ADGRG1: variants seen among roughly 807,000 people sequenced by gnomAD.
ADGRG1 encodes the protein adhesion G protein-coupled receptor G1.
A neutral mutation model predicts 73.5 loss-of-function variants in ADGRG1; 53 were observed. That is an observed-to-expected ratio of 0.72 (90% CI 0.58 to 0.91). The LOEUF is 0.91. Among genes scored for constraint, ADGRG1 ranks in the 40% least tolerant of loss-of-function variants. ADGRG1 has a pLI of 0.00. For missense variants in ADGRG1, 795 were observed against 871.8 expected, an observed-to-expected ratio of 0.91 and a Z score of 1.11; for synonymous variants, 394 against 374.4, an observed-to-expected ratio of 1.05 and a Z score of -0.60.
chr16:57,656,555 G>A lies in ADGRG1; in HGVS notation c.1105G>A (p.Val369Ile), dbSNP rs541949258. ...GHWSSAGCETVRRETQTSCFC... is the reference protein window; with the variant it reads ...GHWSSAGCETIRRETQTSCFC... ...TTGGAGCAGTGCTGGGTGTGAGACC[G>A]TCAGGAGAGAAACCCAAACATCCTG... is the stretch of plus-strand genomic sequence containing the variant. Residue 369 changes from valine to isoleucine, a missense_variant, in exon 9 of 14, where the codon GTC (valine) becomes ATC (isoleucine). Coordinates refer to ENST00000562631, the MANE Select transcript of ADGRG1 (RefSeq NM_201525.4). 1.7e-5 allele frequency: 27 copies of A among 1,613,904 alleles called. No homozygotes were observed. The highest frequency in any genetic ancestry group is 1.6e-4 in the Middle Eastern group (1 of 6,062).
intron 1 of ADGRG1, chr16:57,647,367 GA>G: frequency 1.8e-5 from 18 of 983,308 alleles, no homozygotes; most frequent in Non-Finnish European, 2.2e-5. Flanking sequence ...CGTACGGGAA[GA>G]GGGGGAAACA....
chr16:57,659,650 C>T lies in ADGRG1; in HGVS notation c.1524C>T (p.Gly508=). The T allele has an allele frequency of 1.9e-6, 3 of 1,614,004 alleles. No individual in the cohort carries two copies. The highest frequency in any genetic ancestry group is 2.5e-6 in the Non-Finnish European group (3 of 1,180,008). The change falls in exon 11 of 14, where the codon GGC becomes GGT. Residue 508 remains glycine, a synonymous_variant. Transcript: ENST00000562631. The stretch of plus-strand genomic sequence containing the variant: ...AGGTCTTTGGCACCTATGTCCCTGG[C>T]TACCTACTCAAGCTGAGCGCCATGG... ...VVEVFGTYVP[G]YLLKLSAMGW... is the part of the protein sequence containing the mutation.
At position 57,659,627 on chromosome 16, in the gene ADGRG1, G is replaced by A. The variant is rs571805592; in HGVS notation, c.1501G>A (p.Val501Ile). 1 of 1,614,096 alleles carries A rather than the reference G, an allele frequency of 6.2e-7. No homozygotes were observed. The highest frequency in any genetic ancestry group is 1.1e-5 in the South Asian group (1 of 91,080). The change falls in exon 11 of 14, where the codon GTC becomes ATC. Residue 501 changes from valine (V) to isoleucine (I), a missense_variant. By Grantham distance (29) the Val-to-Ile change is conservative. Transcript: ENST00000562631. ...CAACCTCTACCGACTCGTGGTGGAG[G>A]TCTTTGGCACCTATGTCCCTGGCTA... ...GYNLYRLVVEVFGTYVPGYLL... is the reference protein window; with the variant it reads ...GYNLYRLVVEIFGTYVPGYLL...
chr16:57,626,437 A>G (rs2035834703), upstream of ADGRG1, among the ~76,000 whole-genome samples: 3 of 152,228 alleles, frequency 2.0e-5, no homozygotes, highest in Admixed American at 2.0e-4. Context: ...AGGTATCGCT[A>G]CTATGAGAAC....
At chr16:57,648,487 C>A in intron 1 of ADGRG1, 2 of 973,920 alleles carry the variant, frequency 2.1e-6, no homozygotes, top group South Asian at 4.7e-5. Context: ...GGTTCCATTC[C>A]ACATGGTGGG....
At chr16:57,630,297 G>GCA (rs2037421600) in intron 1 of ADGRG1, 16 of 892,448 alleles carry the variant, frequency 1.8e-5, no homozygotes, top group Non-Finnish European at 2.1e-5. Context: ...CCAGAGCCCA[G>GCA]GCAGGGGTCC....
Position 57,651,476 on chromosome 16 carries a change from A to G in ADGRG1, c.341A>G (p.Asp114Gly), listed in dbSNP as rs749940723. 43 of 1,614,220 alleles carry G rather than the reference A, an allele frequency of 2.7e-5. No individual in the cohort carries two copies. The highest frequency in any genetic ancestry group is 3.2e-5 in the Non-Finnish European group (38 of 1,180,026). The change falls in exon 3 of 14, where the codon GAC (aspartate) becomes GGC (glycine). Residue 114 changes from aspartate to glycine, a missense_variant. Coordinates refer to ENST00000562631, the MANE Select transcript of ADGRG1 (RefSeq NM_201525.4). ...LYGKRDFLLS[D>G]KASSLLCFQH... The stretch of plus-strand genomic sequence containing the variant: ...GGCAAGCGTGACTTCTTGCTGAGTG[A>G]CAAAGCCTCTAGCCTCCTCTGCTTC...
At chr16:57,644,507 C>T (rs1314081001) in intron 1 of ADGRG1, among the ~76,000 whole-genome samples, 2 of 149,710 alleles carry the variant, frequency 1.3e-5, no homozygotes, top group African/African-American at 2.5e-5. Flanking sequence ...CACACTCATG[C>T]ATGGGCACAC....
chr16:57,647,181 A>G, intron 1 of ADGRG1: 1 of 985,304 alleles, frequency 1.0e-6, no homozygotes, highest in Non-Finnish European at 1.2e-6. Context: ...CCCCTGCCCA[A>G]TCTGTGTGGC....
chr16:57,644,410 GCA>G (rs1389102983), intron 1 of ADGRG1, among the ~76,000 whole-genome samples: 30 of 146,738 alleles, frequency 2.0e-4, no homozygotes, highest in Admixed American at 5.5e-4. Flanking sequence ...TAATGCATGG[GCA>G]CACACACTCG....
intron 1 of ADGRG1, chr16:57,635,199 C>T (rs1422142452): frequency 1.0e-6 from 1 of 985,322 alleles, no homozygotes; most frequent in Admixed American, 6.1e-5. Context: ...CTTCCCCTGC[C>T]CCCCACCTGC....
At chr16:57,636,920 G>T (rs1302573091) in intron 1 of ADGRG1, among the ~76,000 whole-genome samples, 1 of 152,202 alleles carries the variant, frequency 6.6e-6, no homozygotes, top group African/African-American at 2.4e-5. Context: ...GGATACGGAA[G>T]ATAATTTTAA....
In ADGRG1 at chr16:57,652,642, G is replaced by A. The variant is rs1284235556; in HGVS notation, c.488-561G>A. On this transcript the variant is annotated intron_variant, in intron 3 of 13. Coordinates refer to ENST00000562631, the MANE Select transcript of ADGRG1 (RefSeq NM_201525.4). ...AATCACCTAAAACCCAGGCTTTCTC[G>A]GTTATGCATTCAAAAGATGGAGCTA... is the stretch of plus-strand genomic sequence containing the variant. 34 of 985,096 alleles carry A rather than the reference G, an allele frequency of 3.5e-5. No homozygotes were observed. The Admixed American group carries it at 1.2e-3, about 36-fold the overall frequency. The allele number at this position is 985,096 out of a possible 1,614,324, so 61.0% of individuals were successfully genotyped here.
upstream of ADGRG1, among the ~76,000 whole-genome samples, chr16:57,627,487 A>G (rs1244661368): frequency 1.3e-5 from 2 of 152,224 alleles, no homozygotes; most frequent in Non-Finnish European, 2.9e-5. Flanking sequence ...AGCTACATGT[A>G]TCTGCCTTAA....
At chr16:57,627,795 A>T, upstream of ADGRG1, 1 of 985,452 alleles carries the variant, frequency 1.0e-6, no homozygotes, top group Non-Finnish European at 1.2e-6. Flanking sequence ...TCCTGACTCG[A>T]GAAGGGCACT....
rs1305863189 is a variant in ADGRG1 at position 57,628,682 on chromosome 16, C to T, written c.-156C>T. 39 of 985,440 alleles carry T rather than the reference C, an allele frequency of 4.0e-5. No individual in the cohort carries two copies. In the Admixed American group the frequency reaches 1.9e-3, roughly 48 times the overall value. 61.0% of individuals were successfully genotyped at this position (985,440 alleles called of 1,614,324 possible). On this transcript the variant is annotated 5_prime_UTR_variant, in exon 1 of 14. The change creates a new upstream start codon in the 5' untranslated region. Coordinates refer to ENST00000562631, the MANE Select transcript of ADGRG1 (RefSeq NM_201525.4). ...TAGGAGATGGGCTGGGAGCCTCCCA[C>T]GCTCTCCAGCTCACTCGGCAGGCAG... is the stretch of plus-strand genomic sequence containing the variant.
At chr16:57,634,971 A>G (rs1458012950) in intron 1 of ADGRG1, 2 of 985,256 alleles carry the variant, frequency 2.0e-6, no homozygotes, top group African/African-American at 3.5e-5. Flanking sequence ...CCATGAATGC[A>G]TCTTCAGAGA....
At chr16:57,624,219 G>T (rs2035405909), upstream of ADGRG1, 1 of 970,730 alleles carries the variant, frequency 1.0e-6, no homozygotes, top group African/African-American at 1.8e-5. Flanking sequence ...CACCTCTGAG[G>T]CTGGGCGCAG....
At chr16:57,650,464 A>G in intron 2 of ADGRG1, 113 bp downstream of exon 2, 1 of 1,584,426 alleles carries the variant, frequency 6.3e-7, no homozygotes, top group Non-Finnish European at 8.6e-7. Context: ...CAGCTCGGCT[A>G]GTGGAGGGTA....
Sources: allele counts gnomAD v4.1 joint callset (sites outside exome capture counted in the v4.1 genomes callset), GRCh38; gene constraint gnomAD v4.1.1; transcripts MANE v1.5; gene names NCBI Gene and HGNC (gene_info 2026-07-23, HGNC 2026-07-21).